TAX1BP1: variants seen among roughly 807,000 people sequenced by gnomAD.
The protein encoded by TAX1BP1 is Tax1 binding protein 1, also known as tax1-binding protein 1.
Under a neutral mutation model 97.7 loss-of-function variants are expected in TAX1BP1, and 62 were observed. That is an observed-to-expected ratio of 0.63 (90% CI 0.52 to 0.78). The LOEUF is 0.78. Among genes scored for constraint, TAX1BP1 ranks in the 30% least tolerant of loss-of-function variants. The pLI is 0.00. For synonymous variants in TAX1BP1, 340 were observed against 304.2 expected, an observed-to-expected ratio of 1.12 and a Z score of -1.23; for missense variants, 867 against 916.1, an observed-to-expected ratio of 0.95 and a Z score of 0.69.
chr7:27,750,496 G>A (rs1309244589), intron 2 of TAX1BP1, among the ~76,000 whole-genome samples: 1 of 152,196 alleles, frequency 6.6e-6, no homozygotes, highest in African/African-American at 2.4e-5. Context: ...AGGTAGGAAT[G>A]TTCATGAGAA....
chr7:27,785,408 C>G lies in TAX1BP1; in HGVS notation c.771C>G (p.Asp257Glu). Residue 257 changes from aspartate to glutamate, a missense_variant, in exon 7 of 17, where the codon GAC (aspartate) becomes GAG (glutamate). Asp to Glu is a conservative substitution (Grantham distance 45). Transcript: ENST00000396319. ...ATCATACCTATCTTAGTTTAAAGGA[C>G]AAACTCAAGAAGGCACAACATGAAA... Reference protein sequence around the residue: ...EKETELDSLKDKLKKAQHERE... With the variant: ...EKETELDSLKEKLKKAQHERE... 6.2e-7 allele frequency: 1 copy of G among 1,611,296 alleles called. No homozygotes were observed. The highest frequency in any genetic ancestry group is 8.5e-7 in the Non-Finnish European group (1 of 1,179,142).
intron 5 of TAX1BP1, among the ~76,000 whole-genome samples, chr7:27,783,775 A>C (rs1465349938): frequency 1.3e-5 from 2 of 152,250 alleles, no homozygotes; most frequent in Non-Finnish European, 2.9e-5. Context: ...AAAATAAAAA[A>C]AATGTGAACA....
At chr7:27,756,887 T>A (rs573689864) in intron 2 of TAX1BP1, among the ~76,000 whole-genome samples, 109 of 152,216 alleles carry the variant, frequency 7.2e-4, no homozygotes, top group Non-Finnish European at 1.2e-3. Flanking sequence ...CAAAGTAAAT[T>A]GTAAGATTTG....
At chr7:27,764,775 TTTC>T (rs1055873034) in intron 3 of TAX1BP1, among the ~76,000 whole-genome samples, 5 of 151,862 alleles carry the variant, frequency 3.3e-5, no homozygotes, top group African/African-American at 7.3e-5. Flanking sequence ...TAGAAAGAAT[TTTC>T]TTCTTCTCCA....
At chr7:27,783,781 G>A (rs1321220183) in intron 5 of TAX1BP1, among the ~76,000 whole-genome samples, 1 of 152,128 alleles carries the variant, frequency 6.6e-6, no homozygotes, top group Non-Finnish European at 1.5e-5. Context: ...AAAAAAATGT[G>A]AACATTATTT....
intron 13 of TAX1BP1, among the ~76,000 whole-genome samples, chr7:27,804,806 C>T (rs933231209): frequency 2.0e-5 from 3 of 152,156 alleles, no homozygotes; most frequent in Non-Finnish European, 2.9e-5. Context: ...TGCTTTTTCT[C>T]AGCACTACTA....
At chr7:27,739,950 C>G (rs1787498929), upstream of TAX1BP1, 1 of 152,218 alleles carries the variant, frequency 6.6e-6, no homozygotes, top group African/African-American at 2.4e-5. Context: ...AATCCAGACG[C>G]ATTGTTTTGC....
intron 1 of TAX1BP1, among the ~76,000 whole-genome samples, chr7:27,747,261 T>A (rs927630719): frequency 1.2e-4 from 18 of 152,292 alleles, no homozygotes; most frequent in African/African-American, 4.3e-4. Flanking sequence ...CTTTTTTGGG[T>A]AAATCCTCAT....
intron 1 of TAX1BP1, among the ~76,000 whole-genome samples, chr7:27,741,957 C>G (rs985935732): frequency 5.1e-4 from 77 of 152,188 alleles, no homozygotes; most frequent in Non-Finnish European, 1.5e-4. Flanking sequence ...GAATCAAGTG[C>G]TGTGCTTTTA....
At chr7:27,748,183 C>A (rs1469696506) in intron 1 of TAX1BP1, among the ~76,000 whole-genome samples, 1 of 152,064 alleles carries the variant, frequency 6.6e-6, no homozygotes, top group East Asian at 1.9e-4. Context: ...ATATTGGCAG[C>A]GTGTGCACAA....
rs368515652 is a variant in TAX1BP1, at chr7:27,769,788, T to G, written c.566T>G (p.Leu189Arg). 36 of 1,612,468 alleles carry G rather than the reference T, an allele frequency of 2.2e-5. No homozygotes were observed. In the African/African-American group the frequency reaches 4.7e-4, roughly 21 times the overall value. ...REQVGRMERE[L>R]NHEKERCDQL... The stretch of plus-strand genomic sequence containing the variant: ...CAAGTTGGGAGAATGGAAAGAGAAC[T>G]TAACCATGAGAAAGAAAGATGTGAC... The change falls in exon 5 of 17, where the codon CTT becomes CGT. Residue 189 changes from leucine to arginine, a missense_variant. Transcript: ENST00000396319.
At chr7:27,812,320 A>G (rs771361086) in intron 13 of TAX1BP1, among the ~76,000 whole-genome samples, 11 of 152,162 alleles carry the variant, frequency 7.2e-5, no homozygotes, top group African/African-American at 2.2e-4. Context: ...TTCTGTTCAA[A>G]TCTATTTTTT....
chr7:27,752,295 C>G (rs1788047395), intron 2 of TAX1BP1, among the ~76,000 whole-genome samples: 1 of 152,190 alleles, frequency 6.6e-6, no homozygotes, highest in Non-Finnish European at 1.5e-5. Context: ...GGAGCAAGGT[C>G]ATATGTTAAA....
intron 3 of TAX1BP1, among the ~76,000 whole-genome samples, chr7:27,764,685 C>G (rs1396282049): frequency 6.6e-6 from 1 of 152,142 alleles, no homozygotes; most frequent in Non-Finnish European, 1.5e-5. Context: ...TAGTATCCCT[C>G]TGTGCATCTT....
intron 8 of TAX1BP1, among the ~76,000 whole-genome samples, chr7:27,788,467 T>A (rs554989072): frequency 6.6e-6 from 1 of 152,184 alleles, no homozygotes; most frequent in African/African-American, 2.4e-5. Context: ...GCATCAGCTA[T>A]TATGTTGGTA....
intron 5 of TAX1BP1, among the ~76,000 whole-genome samples, chr7:27,773,130 G>C (rs1039271618): frequency 1.3e-5 from 2 of 152,166 alleles, no homozygotes; most frequent in Non-Finnish European, 2.9e-5. Context: ...GCATTTTTCA[G>C]AGGTAGCACA....
At chr7:27,754,646 C>T (rs952013732) in intron 2 of TAX1BP1, among the ~76,000 whole-genome samples, 5 of 152,056 alleles carry the variant, frequency 3.3e-5, no homozygotes, top group East Asian at 1.9e-4. Flanking sequence ...GATCTTGGCT[C>T]GCTGCAACCT....
chr7:27,746,645 C>G (rs566911918), intron 1 of TAX1BP1, among the ~76,000 whole-genome samples: 1 of 152,140 alleles, frequency 6.6e-6, no homozygotes, highest in South Asian at 2.1e-4. Context: ...TTAAGTCTTT[C>G]CATGAAATAT....
intron 13 of TAX1BP1, among the ~76,000 whole-genome samples, chr7:27,803,375 A>T (rs182976086): frequency 2.6e-5 from 4 of 152,336 alleles, no homozygotes; most frequent in Non-Finnish European, 5.9e-5. Context: ...AAGTTGTTTA[A>T]TGACTTACAG....
Sources: gnomAD v4.1 joint callset for allele counts (sites outside exome capture counted in the v4.1 genomes callset) on GRCh38, gnomAD v4.1.1 for gene constraint, MANE v1.5 for transcripts, NCBI Gene and HGNC (gene_info 2026-07-23, HGNC 2026-07-21) for gene names.